The following ZNF385B variants were observed in gnomAD, a reference collection of about 807,000 sequenced individuals.
ZNF385B encodes the protein zinc finger protein 533.
Under a neutral mutation model 39.2 loss-of-function variants are expected in ZNF385B, and 23 were observed. The observed-to-expected ratio is 0.59, with a 90% CI of 0.42 to 0.83. The LOEUF (loss-of-function observed/expected upper bound fraction) is 0.83. ZNF385B is among the 40% of genes least tolerant of loss of function. The pLI is 0.00. For synonymous variants in ZNF385B, 205 were observed against 222.6 expected, an observed-to-expected ratio of 0.92 and a Z score of 0.70; for missense variants, 552 against 598.9, an observed-to-expected ratio of 0.92 and a Z score of 0.82.
At chr2:179,729,304 C>T (rs1436369236) in intron 3 of ZNF385B, among the ~76,000 whole-genome samples, 1 of 152,074 alleles carries the variant, frequency 6.6e-6, no homozygotes, top group Non-Finnish European at 1.5e-5. Flanking sequence ...CAGAACTTTC[C>T]TGGTGATTAA....
chr2:179,557,546 AACATATAT>A, intron 3 of ZNF385B, among the ~76,000 whole-genome samples: 1 of 120,490 alleles, frequency 8.3e-6, no homozygotes. Context: ...ACATGTATAT[AACATATAT>A]ACATGTTATA....
At chr2:179,653,155 C>T (rs1010921640) in intron 3 of ZNF385B, among the ~76,000 whole-genome samples, 2 of 152,124 alleles carry the variant, frequency 1.3e-5, no homozygotes, top group Admixed American at 1.3e-4. Context: ...AGGTTCATGG[C>T]TGGCTGTGAC....
intron 3 of ZNF385B, among the ~76,000 whole-genome samples, chr2:179,556,332 A>T (rs1432230117): frequency 6.7e-6 from 1 of 149,852 alleles, no homozygotes; most frequent in Non-Finnish European, 1.5e-5. Context: ...AATTTAAATA[A>T]ATTTATGGGG....
intron 5 of ZNF385B, among the ~76,000 whole-genome samples, chr2:179,503,610 C>A (rs1350533666): frequency 6.6e-6 from 1 of 152,058 alleles, no homozygotes; most frequent in Non-Finnish European, 1.5e-5. Flanking sequence ...AATGAATATC[C>A]CCTTCTATAA....
rs186399836 is a variant in ZNF385B, at chr2:179,597,475, G to A, written c.299-52506C>T. Among the ~76,000 whole-genome samples the A allele has an allele frequency of 2.0e-5, 3 of 152,226 alleles. No individual in the cohort carries two copies. The East Asian group carries it at 5.8e-4, about 29-fold the overall frequency. On this transcript the variant is annotated intron_variant, in intron 3 of 9. Coordinates refer to ENST00000410066, the MANE Select transcript of ZNF385B (RefSeq NM_152520.6). ...TTTGGATACAGGCATAACTTAATAT[G>A]TCAATGACTGCATATACAAAGTTAA... is the stretch of plus-strand genomic sequence containing the variant.
At chr2:179,727,502 C>T (rs890181234) in intron 3 of ZNF385B, among the ~76,000 whole-genome samples, 33 of 151,972 alleles carry the variant, frequency 2.2e-4, no homozygotes, top group African/African-American at 7.7e-4. Flanking sequence ...TACATCTGCC[C>T]TTTTAAGGAG....
chr2:179,595,415 G>A (rs1259759028), intron 3 of ZNF385B, among the ~76,000 whole-genome samples: 2 of 152,078 alleles, frequency 1.3e-5, no homozygotes, highest in African/African-American at 4.8e-5. Context: ...GGATGGTTTG[G>A]GTTCCATCAT....
chr2:179,578,899 C>T (rs1686167276), intron 3 of ZNF385B, among the ~76,000 whole-genome samples: 1 of 152,078 alleles, frequency 6.6e-6, no homozygotes, highest in Non-Finnish European at 1.5e-5. Flanking sequence ...TGAACATTCT[C>T]TTACTTATAT....
chr2:179,692,730 C>A (rs1515291), intron 3 of ZNF385B, among the ~76,000 whole-genome samples: 64,022 of 152,012 alleles, frequency 0.42, 14,680 homozygotes, highest in East Asian at 0.56. Context: ...TCTGAGAGAC[C>A]ATCTCTCAAA....
chr2:179,839,011 A>G (rs1293013799), intron 1 of ZNF385B, among the ~76,000 whole-genome samples: 1 of 152,116 alleles, frequency 6.6e-6, no homozygotes, highest in East Asian at 1.9e-4. Context: ...ACTCAGAAAA[A>G]CAAAGAATCC....
intron 1 of ZNF385B, among the ~76,000 whole-genome samples, chr2:179,773,854 A>G (rs1318942729): frequency 6.6e-6 from 1 of 152,190 alleles, no homozygotes; most frequent in Non-Finnish European, 1.5e-5. Context: ...TGAGTATAAA[A>G]ACTATGTTTT....
chr2:179,500,458 C>T (rs1306511771), intron 5 of ZNF385B, among the ~76,000 whole-genome samples: 1 of 152,086 alleles, frequency 6.6e-6, no homozygotes, highest in South Asian at 2.1e-4. Context: ...CTACAGTGAA[C>T]TCATTTTTAA....
chr2:179,607,141 G>C (rs1033296303), intron 3 of ZNF385B, among the ~76,000 whole-genome samples: 1 of 152,128 alleles, frequency 6.6e-6, no homozygotes, highest in African/African-American at 2.4e-5. Context: ...TCAGGACATG[G>C]GATGAATAAG....
At chr2:179,649,493 C>T (rs527246557) in intron 3 of ZNF385B, among the ~76,000 whole-genome samples, 1 of 152,158 alleles carries the variant, frequency 6.6e-6, no homozygotes, top group South Asian at 2.1e-4. Context: ...CTTATTGGTT[C>T]TATATTGCAG....
intron 1 of ZNF385B, among the ~76,000 whole-genome samples, chr2:179,800,486 G>A (rs1394643935): frequency 6.6e-6 from 1 of 151,704 alleles, no homozygotes; most frequent in Non-Finnish European, 1.5e-5. Flanking sequence ...TCTGCTTTAG[G>A]GATTGCACAT....
intron 6 of ZNF385B, among the ~76,000 whole-genome samples, chr2:179,474,623 C>T (rs956204250): frequency 6.6e-6 from 1 of 152,102 alleles, no homozygotes; most frequent in Non-Finnish European, 1.5e-5. Context: ...CATTCAGTTA[C>T]ATGTTATTAT....
At chr2:179,808,079 C>A (rs1044107576) in intron 1 of ZNF385B, among the ~76,000 whole-genome samples, 1 of 151,706 alleles carries the variant, frequency 6.6e-6, no homozygotes, top group Admixed American at 6.6e-5. Flanking sequence ...GTCGCCCAGG[C>A]TGGAGTGCAG....
At chr2:179,856,533 T>TA (rs945957625) in intron 1 of ZNF385B, among the ~76,000 whole-genome samples, 4 of 146,318 alleles carry the variant, frequency 2.7e-5, no homozygotes, top group African/African-American at 7.7e-5. Flanking sequence ...CTCCTTTTGC[T>TA]AAAAAATTTT....
At chr2:179,462,474 G>T (rs1035918451) in intron 6 of ZNF385B, among the ~76,000 whole-genome samples, 1 of 151,988 alleles carries the variant, frequency 6.6e-6, no homozygotes, top group African/African-American at 2.4e-5. Context: ...TGCCTTGTTC[G>T]TCTCCTCCTT....
Sources: gnomAD v4.1 joint callset for allele counts (sites outside exome capture counted in the v4.1 genomes callset) on GRCh38, gnomAD v4.1.1 for gene constraint, MANE v1.5 for transcripts, NCBI Gene and HGNC (gene_info 2026-07-23, HGNC 2026-07-21) for gene names.